CHLSN: variants seen among roughly 807,000 people sequenced by gnomAD.
CHLSN encodes protein cholesin.
chr7:984,847 C>A, the CHLSN span: 1 of 1,437,594 alleles, frequency 7.0e-7, no homozygotes, highest in African/African-American at 1.4e-5. Context: ...GAGGGCCCAG[C>A]CAGTCTCGCT....
At chr7:981,690 G>A in the CHLSN span, among the ~76,000 whole-genome samples, 41 of 152,152 alleles carry the variant, frequency 2.7e-4, no homozygotes, top group African/African-American at 9.4e-4. Flanking sequence ...GTCCAGCCTG[G>A]CAACAGAGTG....
chr7:1,028,043 C>G, the CHLSN span, among the ~76,000 whole-genome samples: 1 of 151,990 alleles, frequency 6.6e-6, no homozygotes, highest in Admixed American at 6.6e-5. Context: ...GCGGGACCGT[C>G]CAGGGCCTGC....
At chr7:1,135,332 T>C in the CHLSN span, among the ~76,000 whole-genome samples, 3 of 152,122 alleles carry the variant, frequency 2.0e-5, no homozygotes, top group South Asian at 4.2e-4. Flanking sequence ...TATATAGCTA[T>C]AGTTGTATGT....
chr7:1,125,446 G>C, the CHLSN span, among the ~76,000 whole-genome samples: 4 of 152,208 alleles, frequency 2.6e-5, no homozygotes, highest in Admixed American at 2.6e-4. Context: ...TTGAACCCTG[G>C]TGTCACCCTG....
At chr7:1,104,605 C>T in the CHLSN span, among the ~76,000 whole-genome samples, 19 of 152,318 alleles carry the variant, frequency 1.2e-4, no homozygotes, top group Non-Finnish European at 2.2e-4. Context: ...CCACCCCGTG[C>T]CACTCAGAAT....
chr7:983,914 G>A, the CHLSN span, among the ~76,000 whole-genome samples: 3 of 152,220 alleles, frequency 2.0e-5, no homozygotes, highest in Admixed American at 6.5e-5. Flanking sequence ...CTCTGTCCTC[G>A]CTCAGGCAGG....
the CHLSN span, among the ~76,000 whole-genome samples, chr7:1,028,098 C>T: frequency 2.7e-5 from 4 of 150,174 alleles, no homozygotes; most frequent in African/African-American, 9.9e-5. Flanking sequence ...GCGGCTCGGC[C>T]GGCCCGGGGT....
At chr7:979,970 G>A in the CHLSN span, among the ~76,000 whole-genome samples, 32 of 152,316 alleles carry the variant, frequency 2.1e-4, no homozygotes, top group African/African-American at 7.2e-4. Flanking sequence ...AAAGCGTCCC[G>A]TGAAACTCCA....
the CHLSN span, chr7:1,093,269 A>T: frequency 6.7e-6 from 3 of 445,328 alleles, no homozygotes; most frequent in Admixed American, 2.5e-5. Flanking sequence ...CCCTAAAGCA[A>T]ATCTGCCACC....
At chr7:1,028,598 C>T in the CHLSN span, 1 of 983,324 alleles carries the variant, frequency 1.0e-6, no homozygotes, top group Non-Finnish European at 1.2e-6. Flanking sequence ...GGAGGGCGCA[C>T]CCCCGCCCGC....
the CHLSN span, among the ~76,000 whole-genome samples, chr7:1,090,475 G>T: frequency 6.6e-6 from 1 of 152,028 alleles, no homozygotes; most frequent in Admixed American, 6.5e-5. Context: ...GGTGACACGG[G>T]GTGGGTGATG....
At chr7:1,071,425 G>A in the CHLSN span, among the ~76,000 whole-genome samples, 2 of 152,202 alleles carry the variant, frequency 1.3e-5, no homozygotes, top group Non-Finnish European at 2.9e-5. Flanking sequence ...GAGCTCCTTG[G>A]AGAAAAGCTG....
the CHLSN span, chr7:1,093,360 T>G: frequency 2.3e-6 from 1 of 427,094 alleles, no homozygotes; most frequent in African/African-American, 2.0e-5. Context: ...GCCCACGGTC[T>G]GAGCTAGCTA....
chr7:1,070,722 G>A, the CHLSN span, among the ~76,000 whole-genome samples: 88 of 142,742 alleles, frequency 6.2e-4, no homozygotes, highest in African/African-American at 2.2e-3. Context: ...ACGCACACGC[G>A]CACACATGCA....
At chr7:1,049,451 C>A in the CHLSN span, among the ~76,000 whole-genome samples, 16,258 of 152,296 alleles carry the variant, frequency 0.11, 1,154 homozygotes, top group Middle Eastern at 0.2. Context: ...AGGATGTCAC[C>A]TGCCTGCAAA....
At chr7:1,002,490 CCTGT>C in the CHLSN span, among the ~76,000 whole-genome samples, 1 of 59,956 alleles carries the variant, frequency 1.7e-5, no homozygotes, top group African/African-American at 7.4e-5. Flanking sequence ...GGTGGGGAGT[CCTGT>C]GGGTGAGTGG....
the CHLSN span, among the ~76,000 whole-genome samples, chr7:990,728 G>A: frequency 6.6e-6 from 1 of 152,130 alleles, no homozygotes; most frequent in African/African-American, 2.4e-5. Context: ...GCGAGTGCTG[G>A]CTTCACTATT....
At chr7:1,136,511 CAT>C in the CHLSN span, among the ~76,000 whole-genome samples, 357 of 106,232 alleles carry the variant, frequency 3.4e-3, 6 homozygotes, top group Non-Finnish European at 4.5e-3. Context: ...TATATATAAA[CAT>C]ATATAAATAT....
chr7:1,026,110 A>G, the CHLSN span: 58,048 of 152,176 alleles, frequency 0.38, 11,369 homozygotes, highest in African/African-American at 0.45. Context: ...ATCCACATGC[A>G]GGGGTGTCAC....
Sources: gnomAD v4.1 joint callset for allele counts (sites outside exome capture counted in the v4.1 genomes callset) on GRCh38, gnomAD v4.1.1 for gene constraint, MANE v1.5 for transcripts, NCBI Gene and HGNC (gene_info 2026-07-23, HGNC 2026-07-21) for gene names.